CLVS1: variants seen among roughly 807,000 people sequenced by gnomAD.
CLVS1 encodes clavesin-1.
In CLVS1, 10 loss-of-function variants were observed where a neutral mutation model predicts 33.1. The observed-to-expected ratio is 0.30, with a 90% CI of 0.19 to 0.51. The LOEUF (loss-of-function observed/expected upper bound fraction) is 0.51. CLVS1 is among the 20% of genes least tolerant of loss of function. The pLI is 0.97. For missense variants in CLVS1, 343 were observed against 433.4 expected (o/e 0.79, Z 1.85); for synonymous variants, 163 against 166.1 (o/e 0.98, Z 0.14).
At chr8:61,051,310 C>T in the CLVS1 span, among the ~76,000 whole-genome samples, 1 of 152,230 alleles carries the variant, frequency 6.6e-6, no homozygotes, top group Non-Finnish European at 1.5e-5. Flanking sequence ...AGGTTTCTGA[C>T]AGATAAAAGG....
At chr8:61,101,263 C>T (rs1001900174) in intron 1 of CLVS1, among the ~76,000 whole-genome samples, 8 of 152,082 alleles carry the variant, frequency 5.3e-5, no homozygotes, top group Admixed American at 2.6e-4. Flanking sequence ...TTGATTCTAG[C>T]CATCCTTGTG....
At chr8:61,289,970 A>C (rs199967640) in intron 1 of CLVS1, among the ~76,000 whole-genome samples, 2 of 152,246 alleles carry the variant, frequency 1.3e-5, no homozygotes, top group Admixed American at 1.3e-4. Flanking sequence ...AAATTTGGTC[A>C]TCCACATAAT....
chr8:61,341,943 G>A (rs1227187231), intron 2 of CLVS1, among the ~76,000 whole-genome samples: 1 of 152,034 alleles, frequency 6.6e-6, no homozygotes, highest in Non-Finnish European at 1.5e-5. Flanking sequence ...TAAGAGTGGC[G>A]GGTTCAAAAA....
Position 61,480,773 on chromosome 8 carries a change from G to C in CLVS1, c.978-18682G>C, listed in dbSNP as rs1261929322. On this transcript the variant is annotated intron_variant, in intron 5 of 5. Coordinates refer to ENST00000325897, the MANE Select transcript of CLVS1 (RefSeq NM_173519.3). ...GTGAGATTAGACTAGGGTACAGAAG[G>C]GTTTTTAGGTAAGATGATACAGACG... 2.6e-5 allele frequency among the ~76,000 whole-genome samples: 4 copies of C among 152,118 alleles called. No individual in the cohort carries two copies. The East Asian group carries it at 5.8e-4, about 22-fold the overall frequency.
chr8:61,009,399 C>T, the CLVS1 span, among the ~76,000 whole-genome samples: 61 of 152,292 alleles, frequency 4.0e-4, no homozygotes, highest in African/African-American at 1.3e-3. Context: ...CTACTCGCCT[C>T]GGCCTCGCCA....
chr8:61,441,308 C>T (rs1029324040), intron 3 of CLVS1, among the ~76,000 whole-genome samples: 1 of 152,170 alleles, frequency 6.6e-6, no homozygotes, highest in Non-Finnish European at 1.5e-5. Flanking sequence ...AGACGGTCCT[C>T]CCTTACACTA....
intron 4 of CLVS1, among the ~76,000 whole-genome samples, chr8:61,455,122 G>T (rs188155415): frequency 9.9e-5 from 15 of 151,836 alleles, no homozygotes; most frequent in Non-Finnish European, 2.1e-4. Flanking sequence ...TATGCATTGT[G>T]AAATGATTAC....
At chr8:61,095,518 C>T (rs1018979253) in intron 1 of CLVS1, among the ~76,000 whole-genome samples, 37 of 152,178 alleles carry the variant, frequency 2.4e-4, no homozygotes, top group Non-Finnish European at 5.9e-5. Flanking sequence ...CCCAGCTGAG[C>T]GGGAAGGGTG....
At chr8:61,123,772 C>T (rs113654073) in intron 1 of CLVS1, among the ~76,000 whole-genome samples, 127 of 152,284 alleles carry the variant, frequency 8.3e-4, no homozygotes, top group African/African-American at 2.7e-3. Context: ...GACCCCTGCT[C>T]ACTCAGCCAG....
chr8:61,076,321 G>A (rs528556141), intron 1 of CLVS1, among the ~76,000 whole-genome samples: 15 of 152,180 alleles, frequency 9.9e-5, no homozygotes, highest in Admixed American at 3.3e-4. Context: ...GGAAAAAAAC[G>A]CATGCATGCT....
intron 2 of CLVS1, among the ~76,000 whole-genome samples, chr8:61,260,952 A>T (rs1283652259): frequency 6.6e-6 from 1 of 152,234 alleles, no homozygotes; most frequent in African/African-American, 2.4e-5. Context: ...TTTCAATTCA[A>T]ATTCCCGGGT....
chr8:60,984,912 C>A, the CLVS1 span, among the ~76,000 whole-genome samples: 1 of 152,156 alleles, frequency 6.6e-6, no homozygotes, highest in Admixed American at 6.5e-5. Flanking sequence ...CCTCTTAACC[C>A]CCTTGCTGCC....
At chr8:61,077,476 ATTATTATTATTATTATTG>A (rs1381348877) in intron 1 of CLVS1, among the ~76,000 whole-genome samples, 13 of 127,456 alleles carry the variant, frequency 1.0e-4, no homozygotes, top group African/African-American at 4.1e-4. Flanking sequence ...TATTATTATT[ATTATTATTATTATTATTG>A]AGACGGAGTC....
intron 2 of CLVS1, among the ~76,000 whole-genome samples, chr8:61,262,987 T>C (rs556130622): frequency 5.9e-5 from 9 of 152,332 alleles, no homozygotes; most frequent in Admixed American, 5.2e-4. Flanking sequence ...TTAAACCTGC[T>C]GTGCCACATT....
chr8:61,335,885 T>C (rs1811781129), intron 2 of CLVS1, among the ~76,000 whole-genome samples: 1 of 152,192 alleles, frequency 6.6e-6, no homozygotes, highest in Non-Finnish European at 1.5e-5. Flanking sequence ...CCTGAGTTCC[T>C]TGCTGGAGGA....
chr8:61,043,103 A>T, the CLVS1 span, among the ~76,000 whole-genome samples: 2 of 152,218 alleles, frequency 1.3e-5, no homozygotes, highest in Non-Finnish European at 2.9e-5. Context: ...CAAGTAATCA[A>T]TGGAGCCATG....
chr8:61,160,440 A>C (rs1171620250), intron 2 of CLVS1, among the ~76,000 whole-genome samples: 2 of 152,190 alleles, frequency 1.3e-5, no homozygotes, highest in Non-Finnish European at 2.9e-5. Flanking sequence ...GGCCTTCCTA[A>C]TGCCTGCCAA....
chr8:61,321,908 C>T (rs2129596337), intron 2 of CLVS1, among the ~76,000 whole-genome samples: 1 of 152,276 alleles, frequency 6.6e-6, no homozygotes, highest in East Asian at 1.9e-4. Context: ...ATTGCAATCC[C>T]TCTTCCTACT....
chr8:61,314,989 G>C (rs1414713009), intron 2 of CLVS1, among the ~76,000 whole-genome samples: 1 of 152,166 alleles, frequency 6.6e-6, no homozygotes, highest in Non-Finnish European at 1.5e-5. Flanking sequence ...GGTATGCTTG[G>C]AAATGTAGTT....
Sources: allele counts gnomAD v4.1 joint callset (sites outside exome capture counted in the v4.1 genomes callset), GRCh38; gene constraint gnomAD v4.1.1; transcripts MANE v1.5; gene names NCBI Gene and HGNC (gene_info 2026-07-23, HGNC 2026-07-21).